Variants in PTPRT observed in about 807,000 individuals in gnomAD.
The protein encoded by PTPRT is protein tyrosine phosphatase receptor type T.
Under a neutral mutation model 176.8 loss-of-function variants are expected in PTPRT, and 56 were observed. The observed-to-expected ratio is 0.32, with a 90% CI of 0.26 to 0.40. The LOEUF (loss-of-function observed/expected upper bound fraction) is 0.40, where lower values mean the gene tolerates loss of function less well. Among genes scored for constraint, PTPRT ranks in the 10% least tolerant of loss-of-function variants. The pLI is 1.00. For missense variants in PTPRT, 1,540 were observed against 1,908.2 expected (o/e 0.81, Z 3.60); for synonymous variants, 783 against 739.0 (o/e 1.06, Z -0.96).
chr20:42,429,498 C>T (rs1445737462), intron 9 of PTPRT, among the ~76,000 whole-genome samples: 3 of 152,058 alleles, frequency 2.0e-5, no homozygotes, highest in Non-Finnish European at 2.9e-5. Context: ...TGGTCTCCTC[C>T]CTCTCTCCTC....
At chr20:43,175,109 T>C (rs893532927) in intron 1 of PTPRT, among the ~76,000 whole-genome samples, 5 of 152,234 alleles carry the variant, frequency 3.3e-5, no homozygotes, top group Non-Finnish European at 7.3e-5. Context: ...GGCCAAAGGC[T>C]GTCCTATGAA....
At chr20:42,563,468 T>C (rs62203780) in intron 7 of PTPRT, among the ~76,000 whole-genome samples, 5,189 of 152,274 alleles carry the variant, frequency 0.034, 170 homozygotes, top group South Asian at 0.099. Flanking sequence ...TCAAACACCA[T>C]ATAAATGTGG....
At chr20:42,480,343 C>T (rs1464405647) in intron 7 of PTPRT, among the ~76,000 whole-genome samples, 1 of 152,178 alleles carries the variant, frequency 6.6e-6, no homozygotes, top group Non-Finnish European at 1.5e-5. Flanking sequence ...GGAGGTGAGA[C>T]AGAACAGCCA....
chr20:42,600,352 C>T (rs916984334), intron 7 of PTPRT, among the ~76,000 whole-genome samples: 6 of 152,166 alleles, frequency 3.9e-5, no homozygotes, highest in East Asian at 1.9e-4. Flanking sequence ...GTTGGCGAAG[C>T]TGGTCTTGAA....
At chr20:42,800,131 G>A (rs1260042119) in intron 2 of PTPRT, among the ~76,000 whole-genome samples, 1 of 152,156 alleles carries the variant, frequency 6.6e-6, no homozygotes, top group Non-Finnish European at 1.5e-5. Flanking sequence ...ACCCTATGAG[G>A]TAGTGACTAC....
At chr20:42,607,149 A>G (rs2073892410) in intron 7 of PTPRT, among the ~76,000 whole-genome samples, 1 of 152,066 alleles carries the variant, frequency 6.6e-6, no homozygotes, top group Non-Finnish European at 1.5e-5. Flanking sequence ...TCAAAATCAT[A>G]GAGACAGGAA....
chr20:42,211,079 A>T (rs1426419775), intron 15 of PTPRT, among the ~76,000 whole-genome samples: 2 of 152,184 alleles, frequency 1.3e-5, no homozygotes, highest in Non-Finnish European at 2.9e-5. Context: ...GTGCTGGGTA[A>T]ACTGGCTAGC....
At chr20:42,651,811 C>A (rs2075035953) in intron 7 of PTPRT, among the ~76,000 whole-genome samples, 1 of 152,094 alleles carries the variant, frequency 6.6e-6, no homozygotes. Context: ...CTTTGGGAGG[C>A]TGAGGTGGGT....
chr20:42,038,563 G>A, the PTPRT span, among the ~76,000 whole-genome samples: 16 of 152,186 alleles, frequency 1.1e-4, no homozygotes, highest in Admixed American at 1.0e-3. Flanking sequence ...GTGATGGTGG[G>A]CTTATGGTTA....
chr20:42,068,677 C>T (rs1297733649), downstream of PTPRT, among the ~76,000 whole-genome samples: 2 of 152,240 alleles, frequency 1.3e-5, no homozygotes, highest in East Asian at 3.8e-4. Flanking sequence ...CATGATTCAG[C>T]ATCAACCACT....
At position 42,080,714 on chromosome 20, in the gene PTPRT, T is replaced by TCA. The variant is rs1040345657; in HGVS notation, c.*163_*164dup. ...ATCTCCCACGGCAACAGGAGACCCC[T>TCA]CAGAAGGTGCAGAGCCCCCCGTGGA... On this transcript the variant is annotated 3_prime_UTR_variant, in exon 31 of 31. Coordinates refer to ENST00000373187, the MANE Select transcript of PTPRT (RefSeq NM_007050.6). 1 of 587,272 alleles carries TCA rather than the reference T, an allele frequency of 1.7e-6. No homozygotes were observed. Among genetic ancestry groups the TCA allele is most frequent in the Non-Finnish European group, 2.9e-6 (1 of 339,198 alleles). 36.4% of individuals were successfully genotyped at this position (587,272 alleles called of 1,614,324 possible).
intron 1 of PTPRT, among the ~76,000 whole-genome samples, chr20:43,113,021 C>T (rs1006233955): frequency 1.3e-5 from 2 of 151,624 alleles, no homozygotes; most frequent in Admixed American, 1.3e-4. Flanking sequence ...ATGATATAAA[C>T]GTATCTCCTG....
chr20:42,934,247 A>G (rs1263076807), intron 1 of PTPRT, among the ~76,000 whole-genome samples: 2 of 152,188 alleles, frequency 1.3e-5, no homozygotes, highest in Non-Finnish European at 2.9e-5. Flanking sequence ...AGAGAAAGAG[A>G]AAGAGAAGGA....
At chr20:43,112,839 G>A (rs6030656) in intron 1 of PTPRT, among the ~76,000 whole-genome samples, 37,673 of 151,272 alleles carry the variant, frequency 0.25, 4,746 homozygotes, top group African/African-American at 0.27. Flanking sequence ...TAACTCATTC[G>A]TGATATAAAC....
chr20:42,896,194 G>T (rs2079293707), intron 1 of PTPRT, among the ~76,000 whole-genome samples: 1 of 151,896 alleles, frequency 6.6e-6, no homozygotes, highest in Non-Finnish European at 1.5e-5. Flanking sequence ...CTCAGCGTCA[G>T]ATCAGGGACT....
At chr20:42,527,411 A>C (rs6072769) in intron 7 of PTPRT, among the ~76,000 whole-genome samples, 67,869 of 151,996 alleles carry the variant, frequency 0.45, 17,857 homozygotes, top group African/African-American at 0.74. Context: ...TCTTGCAGAT[A>C]TGCTGACTTT....
At chr20:42,314,256 C>G (rs62208717) in intron 12 of PTPRT, among the ~76,000 whole-genome samples, 1 of 152,010 alleles carries the variant, frequency 6.6e-6, no homozygotes, top group African/African-American at 2.4e-5. Flanking sequence ...GGGCTGGGCA[C>G]GGTGGCTCAC....
chr20:42,228,274 A>G (rs2056062736), intron 15 of PTPRT, among the ~76,000 whole-genome samples: 1 of 152,224 alleles, frequency 6.6e-6, no homozygotes, highest in African/African-American at 2.4e-5. Flanking sequence ...AAATATAAAC[A>G]CCTTTTGCCA....
chr20:42,593,228 T>C (rs1217542984), intron 7 of PTPRT, among the ~76,000 whole-genome samples: 1 of 152,166 alleles, frequency 6.6e-6, no homozygotes. Context: ...GTGATCGCTA[T>C]TGGATGCCAA....
Sources: gnomAD v4.1 joint callset for allele counts (sites outside exome capture counted in the v4.1 genomes callset) on GRCh38, gnomAD v4.1.1 for gene constraint, MANE v1.5 for transcripts, NCBI Gene and HGNC (gene_info 2026-07-23, HGNC 2026-07-21) for gene names.